PKHD1L1: variants seen among roughly 807,000 people sequenced by gnomAD.
The protein encoded by PKHD1L1 is fibrocystin-L.
Under a neutral mutation model 462.9 loss-of-function variants are expected in PKHD1L1, and 434 were observed. The observed-to-expected ratio is 0.94, with a 90% CI of 0.87 to 1.02. The LOEUF (loss-of-function observed/expected upper bound fraction) is 1.02. Among genes scored for constraint, PKHD1L1 ranks in the 50% least tolerant of loss-of-function variants. PKHD1L1 has a pLI of 0.00. For missense variants in PKHD1L1, 5,202 were observed against 5,096.1 expected (o/e 1.02, Z -0.63); for synonymous variants, 1,781 against 1,750.0 (o/e 1.02, Z -0.44).
rs1421600546 is a variant in PKHD1L1 at position 109,518,478 on chromosome 8, C to T, written c.12001C>T (p.Pro4001Ser). The T allele has an allele frequency of 6.2e-7, 1 of 1,604,180 alleles. No individual in the cohort carries two copies. Reference sequence around the variant, plus strand: ...AATTGAAATAGAGATTGGAGACCCTCCTATTCAGTTCATAAGCAATGGCAC... The same window carrying T: ...AATTGAAATAGAGATTGGAGACCCTTCTATTCAGTTCATAAGCAATGGCAC... ...FIIEIEIGDPPIQFISNGTTG... is the reference protein window; with the variant it reads ...FIIEIEIGDPSIQFISNGTTG... Residue 4001 changes from proline to serine, a missense_variant, in exon 73 of 78, where the codon CCT becomes TCT. Around this residue, in one of 3 missense-constraint regions of PKHD1L1, gnomAD observed 698 missense variants for 736.3 expected, o/e 0.95. Transcript: ENST00000378402.
rs1819469991 is a variant in PKHD1L1, at chr8:109,502,430, A to G, written c.10829-1897A>G. Reference sequence around the variant, plus strand: ...GTTACTTTCTAATAAGAAGGAATATACCAGTTATACACATCCAGAGCATTC... The same window carrying G: ...GTTACTTTCTAATAAGAAGGAATATGCCAGTTATACACATCCAGAGCATTC... On this transcript the variant is annotated intron_variant, in intron 67 of 77. Coordinates refer to ENST00000378402, the MANE Select transcript of PKHD1L1 (RefSeq NM_177531.6). Among the ~76,000 whole-genome samples the G allele has an allele frequency of 3.3e-5, 5 of 152,328 alleles. No homozygotes were observed. The South Asian group carries it at 1.0e-3, about 32-fold the overall frequency.
At chr8:109,463,147 T>C (rs1460613172) in intron 48 of PKHD1L1, among the ~76,000 whole-genome samples, 1 of 152,176 alleles carries the variant, frequency 6.6e-6, no homozygotes, top group Non-Finnish European at 1.5e-5. Flanking sequence ...AGATTCTCAG[T>C]TGATTATAAA....
chr8:109,428,167 G>C (rs1392928448), intron 25 of PKHD1L1, among the ~76,000 whole-genome samples: 5 of 151,788 alleles, frequency 3.3e-5, no homozygotes, highest in African/African-American at 1.2e-4. Flanking sequence ...TTAATACAGA[G>C]ACCTTATGAT....
chr8:109,461,676 T>C (rs1333006535), intron 47 of PKHD1L1, 96 bp from the exon 48 acceptor site: 21 of 1,302,928 alleles, frequency 1.6e-5, no homozygotes, highest in African/African-American at 2.9e-5. Context: ...GTTGAGATCA[T>C]ATGTGAATCA....
At chr8:109,435,059 G>C in intron 28 of PKHD1L1, 131 bp from the exon 29 acceptor site, 1 of 866,582 alleles carries the variant, frequency 1.2e-6, no homozygotes. Flanking sequence ...ATTAATATAT[G>C]ATTGGTTTTC....
In PKHD1L1 at chr8:109,412,288, G is replaced by A. The variant is rs1257681199; in HGVS notation, c.2109G>A (p.Lys703=). 1.2e-6 allele frequency: 2 copies of A among 1,613,714 alleles called. No individual in the cohort carries two copies. Among genetic ancestry groups the A allele is most frequent in the Non-Finnish European group, 1.7e-6 (2 of 1,179,752 alleles). The part of the protein sequence containing the change: ...FNLEHINRGQ[K]TAETDAYCGR... ...AGGAACATATTAACAGAGGGCAGAA[G>A]ACAGCTGAAACCGATGCTTACTGTG... The change falls in exon 20 of 78, where the codon AAG becomes AAA. Residue 703 remains lysine (K), a synonymous_variant. Transcript: ENST00000378402.
intron 73 of PKHD1L1, among the ~76,000 whole-genome samples, chr8:109,521,647 C>T (rs1207642838): frequency 1.6e-5 from 2 of 127,214 alleles, no homozygotes; most frequent in East Asian, 4.3e-4. Flanking sequence ...ACCTGCCATG[C>T]TAGAAAAGGG....
At position 109,388,418 on chromosome 8, in the gene PKHD1L1, T is replaced by C. The variant is rs1194413560; in HGVS notation, c.570-79T>C. The C allele has an allele frequency of 5.1e-6, 5 of 989,130 alleles. No homozygotes were observed. In the African/African-American group the frequency reaches 8.3e-5, roughly 16 times the overall value. 61.3% of individuals were successfully genotyped at this position (989,130 alleles called of 1,614,324 possible). On this transcript the variant is annotated intron_variant, in intron 6 of 77. Coordinates refer to ENST00000378402, the MANE Select transcript of PKHD1L1 (RefSeq NM_177531.6). ...GAGAAAAAAAATTTAAGGGAACCAG[T>C]GAGTTGATGGGAGGAGTGCATTTTT...
Position 109,382,522 on chromosome 8 carries a change from A to C in PKHD1L1, c.368A>C (p.Glu123Ala). The C allele has an allele frequency of 6.2e-7, 1 of 1,612,744 alleles. No homozygotes were observed. Among genetic ancestry groups the C allele is most frequent in the Non-Finnish European group, 8.5e-7 (1 of 1,179,232 alleles). Residue 123 changes from glutamate to alanine, a missense_variant, in exon 4 of 78, where the codon GAA becomes GCA. By Grantham distance (107) the Glu-to-Ala change is moderately radical. Around this residue, in one of 3 missense-constraint regions of PKHD1L1, gnomAD observed 4,497 missense variants for 4,336.8 expected, o/e 1.04. Transcript: ENST00000378402. ...AGTGTGGACGGGGTTCCTGTTACGGAAAATAACACCTGCAAAGGTCACATC... is the reference window on the plus strand; with the variant it reads ...AGTGTGGACGGGGTTCCTGTTACGGCAAATAACACCTGCAAAGGTCACATC... ...RVSVDGVPVT[E>A]NNTCKGHINS...
In PKHD1L1 at chr8:109,532,944, C is replaced by T. The variant is rs1821073220; in HGVS notation, c.*2854C>T. ...ACTATGCTGTGTGTTCTACATGGAC[C>T]CTTTCCTTACAGCAATCCTATGAGG... On this transcript the variant is annotated 3_prime_UTR_variant, in exon 78 of 78. Transcript: ENST00000378402. 1.3e-5 allele frequency among the ~76,000 whole-genome samples: 2 copies of T among 152,164 alleles called. No homozygotes were observed. The highest frequency in any genetic ancestry group is 2.4e-5 in the African/African-American group (1 of 41,434).
At position 109,481,478 on chromosome 8, in the gene PKHD1L1, G is replaced by A; in HGVS notation, c.9373G>A (p.Asp3125Asn). The part of the protein sequence containing the change: ...GGWEDNPFKG[D>N]LKIVLRGNHT... ...CTGGGAAGATAACCCTTTTAAAGGAGACTTAAAGATTGTTCTTAGAGGAAA... is the reference window on the plus strand; with the variant it reads ...CTGGGAAGATAACCCTTTTAAAGGAAACTTAAAGATTGTTCTTAGAGGAAA... Residue 3125 changes from aspartate to asparagine, a missense_variant, in exon 56 of 78, where the codon GAC becomes AAC. Coordinates refer to ENST00000378402, the MANE Select transcript of PKHD1L1 (RefSeq NM_177531.6). The A allele has an allele frequency of 1.3e-6, 2 of 1,599,670 alleles. No individual in the cohort carries two copies. Among genetic ancestry groups the A allele is most frequent in the Non-Finnish European group, 1.7e-6 (2 of 1,172,224 alleles).
intron 2 of PKHD1L1, among the ~76,000 whole-genome samples, chr8:109,369,207 T>C (rs527859061): frequency 3.5e-3 from 365 of 103,110 alleles, no homozygotes; most frequent in African/African-American, 0.013. Flanking sequence ...AACTCCTGAC[T>C]TCAGGTGATA....
In PKHD1L1 at chr8:109,477,386, G is replaced by C. The variant is rs777577206; in HGVS notation, c.9079G>C (p.Ala3027Pro). Residue 3027 changes from alanine to proline, a missense_variant, in exon 53 of 78, where the codon GCC (alanine) becomes CCC (proline). Physicochemically the swap from Ala to Pro is conservative, Grantham distance 27. Around this residue, in one of 3 missense-constraint regions of PKHD1L1, gnomAD observed 4,497 missense variants for 4,336.8 expected, o/e 1.04. Transcript: ENST00000378402. ...SRKPIPKKRP[A>P]TYNLWSNDSF... Reference sequence around the variant, plus strand: ...AAAACCAATTCCCAAGAAGCGACCAGCCACATATAAGTACATAGGCCTTTT... The same window carrying C: ...AAAACCAATTCCCAAGAAGCGACCACCCACATATAAGTACATAGGCCTTTT... The C allele has an allele frequency of 6.2e-7, 1 of 1,612,862 alleles. No individual in the cohort carries two copies. Among genetic ancestry groups the C allele is most frequent in the Non-Finnish European group, 8.5e-7 (1 of 1,179,278 alleles).
chr8:109,484,899 A>G, intron 57 of PKHD1L1, 145 bp from the exon 58 acceptor site: 1 of 560,236 alleles, frequency 1.8e-6, no homozygotes, highest in Non-Finnish European at 2.9e-6. Flanking sequence ...ACCTTTAGAG[A>G]CTTCAATGTA....
chr8:109,458,504 A>G (rs1816940501), intron 46 of PKHD1L1, among the ~76,000 whole-genome samples: 1 of 152,172 alleles, frequency 6.6e-6, no homozygotes, highest in Non-Finnish European at 1.5e-5. Flanking sequence ...AGAGCAGACA[A>G]GTCAGTGGAA....
intron 47 of PKHD1L1, among the ~76,000 whole-genome samples, chr8:109,461,103 T>C (rs775710222): frequency 2.6e-5 from 4 of 152,228 alleles, no homozygotes; most frequent in Non-Finnish European, 5.9e-5. Context: ...CTCATATCTA[T>C]AGCAGGAAGC....
intron 33 of PKHD1L1, 49 bp downstream of exon 33, chr8:109,440,901 A>AG: frequency 6.3e-7 from 1 of 1,576,980 alleles, no homozygotes; most frequent in African/African-American, 1.4e-5. Context: ...CTCAGCTTAA[A>AG]GGATATACTA....
At chr8:109,437,981 A>C (rs958943562) in intron 30 of PKHD1L1, among the ~76,000 whole-genome samples, 5 of 152,176 alleles carry the variant, frequency 3.3e-5, no homozygotes, top group Non-Finnish European at 7.3e-5. Context: ...TCTATTTTAA[A>C]AGCAAAAAGT....
chr8:109,421,197 A>T (rs1814445217), intron 23 of PKHD1L1, among the ~76,000 whole-genome samples: 1 of 151,796 alleles, frequency 6.6e-6, no homozygotes, highest in Non-Finnish European at 1.5e-5. Flanking sequence ...TTTAAAATTA[A>T]ATTTCTATAA....
Sources: allele counts gnomAD v4.1 joint callset (sites outside exome capture counted in the v4.1 genomes callset), GRCh38; gene constraint gnomAD v4.1.1; regional missense constraint gnomAD v4.1.1; transcripts MANE v1.5; gene names NCBI Gene and HGNC (gene_info 2026-07-23, HGNC 2026-07-21).